USP46: variants seen among roughly 807,000 people sequenced by gnomAD.
USP46 encodes the protein ubiquitin carboxyl-terminal hydrolase 46.
Under a neutral mutation model 44.4 loss-of-function variants are expected in USP46, and 12 were observed. The observed-to-expected ratio is 0.27, with a 90% confidence interval of 0.17 to 0.44. The LOEUF is 0.44. Ranked by LOEUF, USP46 falls within the 20% of genes least tolerant of loss-of-function variation. USP46 has a pLI of 1.00. For missense variants in USP46, 248 were observed against 444.8 expected, an observed-to-expected ratio of 0.56 and a Z score of 3.98; for synonymous variants, 155 against 161.5, an observed-to-expected ratio of 0.96 and a Z score of 0.31.
intron 1 of USP46, among the ~76,000 whole-genome samples, chr4:52,650,007 G>T (rs1718694072): frequency 6.6e-6 from 1 of 152,150 alleles, no homozygotes; most frequent in East Asian, 1.9e-4. Context: ...TGTCAATAAA[G>T]CTCCAATTGG....
chr4:52,642,512 C>A (rs1369512885), intron 1 of USP46, among the ~76,000 whole-genome samples: 1 of 152,208 alleles, frequency 6.6e-6, no homozygotes, highest in African/African-American at 2.4e-5. Flanking sequence ...ACTGAAAGAA[C>A]TGAAGAAACC....
chr4:52,645,133 G>T (rs1040406608), intron 1 of USP46, among the ~76,000 whole-genome samples: 3 of 151,176 alleles, frequency 2.0e-5, no homozygotes, highest in African/African-American at 7.3e-5. Flanking sequence ...GCTGAGGCAG[G>T]AGAATAGCTT....
At chr4:52,610,459 T>A (rs886484516) in intron 5 of USP46, 82 bp downstream of exon 5, 1 of 1,203,294 alleles carries the variant, frequency 8.3e-7, no homozygotes, top group East Asian at 2.4e-5. Context: ...GGGAAGATTA[T>A]GTCCTGAAGA....
rs372800666 is a variant in USP46, at chr4:52,617,659, T to C, written c.562-7042A>G. 6.6e-5 allele frequency among the ~76,000 whole-genome samples: 10 copies of C among 152,290 alleles called. No homozygotes were observed. The East Asian group carries it at 1.2e-3, about 18-fold the overall frequency. On this transcript the variant is annotated intron_variant, in intron 4 of 8. Transcript: ENST00000441222. ...TAGTCAAAAGCAATTAATGATCAAA[T>C]AATGTGGTTTTTTTGGGGTGGGGCG...
At chr4:52,600,488 C>A (rs543356625) in intron 7 of USP46, among the ~76,000 whole-genome samples, 1 of 152,276 alleles carries the variant, frequency 6.6e-6, no homozygotes, top group East Asian at 1.9e-4. Flanking sequence ...TGACTTGGCA[C>A]CAACTGAGCT....
chr4:52,656,635 A>C, intron 1 of USP46: 1 of 1,156,132 alleles, frequency 8.6e-7, no homozygotes, highest in South Asian at 2.7e-5. Flanking sequence ...AGTTCTAGCC[A>C]TGTACCAGGC....
chr4:52,629,841 CAG>C lies in USP46; in HGVS notation c.117+1221_117+1222del, dbSNP rs551324853. 1.4e-4 allele frequency among the ~76,000 whole-genome samples: 21 copies of C among 152,228 alleles called. No individual in the cohort carries two copies. In the East Asian group the frequency reaches 4.0e-3, roughly 29 times the overall value. On this transcript the variant is annotated intron_variant, in intron 2 of 8. Coordinates refer to ENST00000441222, the MANE Select transcript of USP46 (RefSeq NM_022832.4). ...CTTTACAGATGGGGAAATGGAGGCTCAGAGAGTGCAAGTGACTTGCCCAAGAT... is the reference window on the plus strand; with the variant it reads ...CTTTACAGATGGGGAAATGGAGGCTCAGAGTGCAAGTGACTTGCCCAAGAT...
chr4:52,637,970 C>T (rs753252891), intron 1 of USP46, among the ~76,000 whole-genome samples: 6 of 152,098 alleles, frequency 3.9e-5, no homozygotes, highest in Non-Finnish European at 8.8e-5. Flanking sequence ...AAGGTCAGCT[C>T]CCAGGAGAAT....
Position 52,591,084 on chromosome 4 carries a change from G to A in USP46, c.*6556C>T, listed in dbSNP as rs1715990914. 6.6e-6 allele frequency: 1 copy of A among 152,174 alleles called. No homozygotes were observed. Among genetic ancestry groups the A allele is most frequent in the Admixed American group, 6.5e-5 (1 of 15,280 alleles). 9.4% of individuals were successfully genotyped at this position (152,174 alleles called of 1,614,324 possible). Reference sequence around the variant, plus strand: ...TCTAATCCCCTCAGAGTGGAAAACAGGTAATTCTCAACCTGGAGACAAGCT... The same window carrying A: ...TCTAATCCCCTCAGAGTGGAAAACAAGTAATTCTCAACCTGGAGACAAGCT... On this transcript the variant is annotated 3_prime_UTR_variant, in exon 9 of 9. Coordinates refer to ENST00000441222, the MANE Select transcript of USP46 (RefSeq NM_022832.4).
chr4:52,655,604 T>C (rs150112413), intron 1 of USP46, among the ~76,000 whole-genome samples: 164 of 152,266 alleles, frequency 1.1e-3, no homozygotes, highest in African/African-American at 3.7e-3. Context: ...TAAAAATATA[T>C]AGGAAGTTAA....
At chr4:52,625,761 C>A (rs1483497235) in intron 4 of USP46, among the ~76,000 whole-genome samples, 1 of 152,096 alleles carries the variant, frequency 6.6e-6, no homozygotes, top group Non-Finnish European at 1.5e-5. Flanking sequence ...TCTGTAGACC[C>A]CAAAATTTCC....
In USP46 at chr4:52,598,566, T is replaced by C. The variant is rs752804019; in HGVS notation, c.999+62A>G. 4.0e-6 allele frequency: 6 copies of C among 1,484,454 alleles called. No individual in the cohort carries two copies. In the Admixed American group the frequency reaches 1.1e-4, roughly 28 times the overall value. 92.0% of individuals were successfully genotyped at this position (1,484,454 alleles called of 1,614,324 possible). On this transcript the variant is annotated intron_variant, in intron 8 of 8. Coordinates refer to ENST00000441222, the MANE Select transcript of USP46 (RefSeq NM_022832.4). ...GCCTATTTTAGAAAATGTCTATACATACACATTCTCCGAAATACTACTGAT... is the reference window on the plus strand; with the variant it reads ...GCCTATTTTAGAAAATGTCTATACACACACATTCTCCGAAATACTACTGAT...
chr4:52,646,991 T>C (rs1295509276), intron 1 of USP46, among the ~76,000 whole-genome samples: 1 of 152,210 alleles, frequency 6.6e-6, no homozygotes, highest in Non-Finnish European at 1.5e-5. Context: ...AGGAAGTCGG[T>C]CCACAGATAT....
chr4:52,651,428 G>T (rs1718768268), intron 1 of USP46, among the ~76,000 whole-genome samples: 1 of 151,912 alleles, frequency 6.6e-6, no homozygotes, highest in South Asian at 2.1e-4. Context: ...TGCACATGTG[G>T]GAACCATTCT....
chr4:52,646,510 T>C (rs1162089869), intron 1 of USP46, among the ~76,000 whole-genome samples: 1 of 152,200 alleles, frequency 6.6e-6, no homozygotes, highest in Non-Finnish European at 1.5e-5. Context: ...ATCCAGAAAC[T>C]AAAAACATGG....
intron 1 of USP46, among the ~76,000 whole-genome samples, chr4:52,644,737 T>TAAAAAAAAAAAAA (rs781627890): frequency 9.2e-6 from 1 of 108,438 alleles, no homozygotes. Flanking sequence ...GATATTGAAT[T>TAAAAAAAAAAAAA]AAAAAAAAAA....
At chr4:52,610,336 T>C (rs1291055486) in intron 5 of USP46, among the ~76,000 whole-genome samples, 3 of 152,192 alleles carry the variant, frequency 2.0e-5, no homozygotes, top group African/African-American at 7.2e-5. Context: ...CCCTTTTGAC[T>C]AATGACTTCC....
At chr4:52,653,916 T>C (rs943358209) in intron 1 of USP46, among the ~76,000 whole-genome samples, 9 of 152,256 alleles carry the variant, frequency 5.9e-5, no homozygotes, top group Non-Finnish European at 1.3e-4. Flanking sequence ...CTTTCAATTA[T>C]AACCCAAACA....
rs867334580 is a variant in USP46 at position 52,601,959 on chromosome 4, CG to C, written c.817del (p.Arg273ValfsTer18). 5 of 1,613,882 alleles carry C rather than the reference CG, an allele frequency of 3.1e-6. No homozygotes were observed. The African/African-American group carries it at 6.7e-5, about 22-fold the overall frequency. ...CCGGAGTTCCAGAGGGAAGACCACA[CG>C]GTAAGACAGCTTGGTGTATCTGTGC... is the stretch of plus-strand genomic sequence containing the variant. ...QLHRYTKLSY[R>X]VVFPLELRLF... On this transcript the variant is annotated frameshift_variant, in exon 7 of 9. Transcript: ENST00000441222. LOFTEE classifies it high-confidence loss of function.
Sources: gnomAD v4.1 joint callset for allele counts (sites outside exome capture counted in the v4.1 genomes callset) on GRCh38, gnomAD v4.1.1 for gene constraint, MANE v1.5 for transcripts, NCBI Gene and HGNC (gene_info 2026-07-23, HGNC 2026-07-21) for gene names.